The following RPSA2 variants were observed in gnomAD, a reference collection of about 807,000 sequenced individuals.
The protein encoded by RPSA2 is ribosomal protein SA 2.
At chr19:23,762,038 C>T in the RPSA2 span, among the ~76,000 whole-genome samples, 1 of 151,144 alleles carries the variant, frequency 6.6e-6, no homozygotes, top group South Asian at 2.1e-4. Flanking sequence ...CTGCCTCAGC[C>T]TCCTGAGTAG....
the RPSA2 span, among the ~76,000 whole-genome samples, chr19:23,856,052 C>A: frequency 0.011 from 1,643 of 152,140 alleles, 32 homozygotes; most frequent in African/African-American, 0.037. Context: ...ATTGAATCCT[C>A]AACATCATCA....
the RPSA2 span, chr19:23,832,946 T>G: frequency 3.3e-6 from 5 of 1,495,010 alleles, no homozygotes; most frequent in Admixed American, 1.8e-5. Context: ...AAACATAAGG[T>G]AATTCACAGT....
At chr19:23,800,615 CTTTT>C in the RPSA2 span, among the ~76,000 whole-genome samples, 6 of 150,428 alleles carry the variant, frequency 4.0e-5, no homozygotes, top group Non-Finnish European at 5.9e-5. Context: ...TTTCTACAAA[CTTTT>C]TTTTTTTTTC....
chr19:23,842,942 AAT>A, the RPSA2 span, among the ~76,000 whole-genome samples: 9 of 152,154 alleles, frequency 5.9e-5, no homozygotes, highest in Non-Finnish European at 1.2e-4. Flanking sequence ...TTATTGCCCA[AAT>A]AATAAAATCC....
At chr19:23,818,777 C>T in the RPSA2 span, 6 of 152,456 alleles carry the variant, frequency 3.9e-5, no homozygotes, top group East Asian at 7.7e-4. Context: ...TTTCTTTTGA[C>T]CTGACATGAA....
the RPSA2 span, among the ~76,000 whole-genome samples, chr19:23,833,963 T>G: frequency 1.3e-5 from 2 of 152,066 alleles, no homozygotes; most frequent in African/African-American, 4.8e-5. Context: ...TGGAAAAACA[T>G]TTTTTCAAAA....
chr19:23,815,843 A>T, the RPSA2 span, among the ~76,000 whole-genome samples: 1 of 152,182 alleles, frequency 6.6e-6, no homozygotes, highest in Non-Finnish European at 1.5e-5. Context: ...ATACATATAC[A>T]TACAGATAGG....
chr19:23,844,702 T>TA, the RPSA2 span, among the ~76,000 whole-genome samples: 3 of 150,978 alleles, frequency 2.0e-5, no homozygotes, highest in African/African-American at 7.3e-5. Flanking sequence ...TCCATTTTTT[T>TA]ATAATATAAT....
the RPSA2 span, among the ~76,000 whole-genome samples, chr19:23,861,827 C>T: frequency 1.3e-5 from 2 of 152,262 alleles, no homozygotes; most frequent in South Asian, 2.1e-4. Context: ...AGTTGACACA[C>T]TTATATTCTT....
At chr19:23,857,094 G>A in the RPSA2 span, among the ~76,000 whole-genome samples, 103 of 152,154 alleles carry the variant, frequency 6.8e-4, no homozygotes, top group Middle Eastern at 3.4e-3. Flanking sequence ...CAGAATGGCC[G>A]TTTATAGACC....
At chr19:23,828,967 AC>A in the RPSA2 span, among the ~76,000 whole-genome samples, 1 of 151,852 alleles carries the variant, frequency 6.6e-6, no homozygotes, top group Admixed American at 6.6e-5. Context: ...ACACACACAC[AC>A]AAATTTGTCA....
At chr19:23,776,823 C>T in the RPSA2 span, among the ~76,000 whole-genome samples, 33 of 152,202 alleles carry the variant, frequency 2.2e-4, no homozygotes, top group Non-Finnish European at 4.6e-4. Flanking sequence ...TGTGTGTCTT[C>T]AGCCTGGACC....
At chr19:23,821,206 G>C in the RPSA2 span, among the ~76,000 whole-genome samples, 1 of 152,202 alleles carries the variant, frequency 6.6e-6, no homozygotes. Flanking sequence ...TGCTGTCCTA[G>C]AGTTAGTTTG....
the RPSA2 span, among the ~76,000 whole-genome samples, chr19:23,821,947 C>G: frequency 6.6e-6 from 1 of 152,192 alleles, no homozygotes; most frequent in Non-Finnish European, 1.5e-5. Context: ...TCGGTGGCCA[C>G]TTCTATAAGC....
chr19:23,857,485 C>CTTTTT, the RPSA2 span, among the ~76,000 whole-genome samples: 66 of 95,228 alleles, frequency 6.9e-4, 1 homozygote, highest in African/African-American at 1.2e-3. Flanking sequence ...TTTTTAAAGT[C>CTTTTT]TTTTTTTTTT....
chr19:23,815,820 C>A, the RPSA2 span, among the ~76,000 whole-genome samples: 2 of 151,734 alleles, frequency 1.3e-5, no homozygotes, highest in East Asian at 3.9e-4. Flanking sequence ...ATTTTGGAGA[C>A]CTTATGTTAT....
the RPSA2 span, among the ~76,000 whole-genome samples, chr19:23,858,723 G>A: frequency 8.3e-3 from 1,265 of 152,294 alleles, 15 homozygotes; most frequent in Middle Eastern, 0.031. Flanking sequence ...TGTTCAAAAT[G>A]GTAGCTCCAT....
the RPSA2 span, among the ~76,000 whole-genome samples, chr19:23,861,575 G>A: frequency 3.9e-5 from 6 of 151,952 alleles, no homozygotes; most frequent in African/African-American, 9.7e-5. Flanking sequence ...TTTCCACCGG[G>A]CCTCAGTCTA....
chr19:23,766,332 T>G, the RPSA2 span, among the ~76,000 whole-genome samples: 3 of 151,718 alleles, frequency 2.0e-5, no homozygotes, highest in South Asian at 6.2e-4. Flanking sequence ...AGTGTACCCT[T>G]TAAAAAATTA....
Sources: allele counts gnomAD v4.1 joint callset (sites outside exome capture counted in the v4.1 genomes callset), GRCh38; gene constraint gnomAD v4.1.1; transcripts MANE v1.5; gene names NCBI Gene and HGNC (gene_info 2026-07-23, HGNC 2026-07-21).